Variants in WWOX observed in about 807,000 individuals in gnomAD.
WWOX encodes the protein WW domain-containing oxidoreductase.
Under a neutral mutation model 46.2 loss-of-function variants are expected in WWOX, and 69 were observed. That is an observed-to-expected ratio of 1.49 (90% CI 1.23 to 1.82). The LOEUF is 1.82. Among genes scored for constraint, WWOX ranks in the 40% most tolerant of loss-of-function variants. The probability of loss-of-function intolerance (pLI) is 0.00; values close to 1 mark genes in which losing one functional copy is unlikely to be tolerated. For missense variants in WWOX, 919 were observed against 542.6 expected, an observed-to-expected ratio of 1.69 and a Z score of -6.89; for synonymous variants, 359 against 202.6, an observed-to-expected ratio of 1.77 and a Z score of -6.56.
At chr16:78,537,001 G>T (rs1397331592) in intron 8 of WWOX, among the ~76,000 whole-genome samples, 1 of 149,182 alleles carries the variant, frequency 6.7e-6, no homozygotes, top group Non-Finnish European at 1.5e-5. Flanking sequence ...ACTGCAACGT[G>T]CACCTCTCAG....
chr16:78,991,634 C>T (rs1031452549), intron 8 of WWOX, among the ~76,000 whole-genome samples: 5 of 150,392 alleles, frequency 3.3e-5, no homozygotes, highest in African/African-American at 9.8e-5. Flanking sequence ...CTCCACCTAC[C>T]AGTGGTGGGG....
At chr16:78,954,894 A>G (rs1180316604) in intron 8 of WWOX, among the ~76,000 whole-genome samples, 3 of 152,166 alleles carry the variant, frequency 2.0e-5, no homozygotes, top group East Asian at 3.9e-4. Flanking sequence ...GACTCAAGAG[A>G]TCCTCCTGCC....
chr16:78,676,171 TCTCTATAG>T (rs1210632669), intron 8 of WWOX, among the ~76,000 whole-genome samples: 1 of 151,766 alleles, frequency 6.6e-6, no homozygotes, highest in Non-Finnish European at 1.5e-5. Flanking sequence ...CGCCGTGTCT[TCTCTATAG>T]CTTGCTGTCT....
At chr16:78,558,139 C>T (rs907660291) in intron 8 of WWOX, among the ~76,000 whole-genome samples, 16 of 152,118 alleles carry the variant, frequency 1.1e-4, no homozygotes, top group African/African-American at 3.9e-4. Context: ...GCTTTCACTC[C>T]TGGGCAGCAG....
chr16:79,028,091 C>T (rs1373626266), intron 8 of WWOX, among the ~76,000 whole-genome samples: 3 of 151,868 alleles, frequency 2.0e-5, no homozygotes, highest in African/African-American at 7.3e-5. Context: ...GCTGAGACTA[C>T]AGGCACCTGC....
intron 5 of WWOX, among the ~76,000 whole-genome samples, chr16:78,333,353 TTC>T (rs1048974742): frequency 1.1e-4 from 16 of 152,094 alleles, no homozygotes; most frequent in Admixed American, 2.6e-4. Flanking sequence ...CTGGTCAATT[TTC>T]TATGGTGTGT....
intron 8 of WWOX, among the ~76,000 whole-genome samples, chr16:78,482,512 C>G (rs1456959987): frequency 6.6e-6 from 1 of 152,168 alleles, no homozygotes; most frequent in African/African-American, 2.4e-5. Context: ...CGTGAGCTGC[C>G]TTGCCTAGCC....
At chr16:79,116,866 G>T (rs1406536463) in intron 8 of WWOX, among the ~76,000 whole-genome samples, 1 of 151,874 alleles carries the variant, frequency 6.6e-6, no homozygotes, top group Non-Finnish European at 1.5e-5. Context: ...AGTATCTGTG[G>T]CACCTGTAGG....
chr16:78,805,403 G>T (rs1400396574), intron 8 of WWOX, among the ~76,000 whole-genome samples: 1 of 151,366 alleles, frequency 6.6e-6, no homozygotes, highest in Non-Finnish European at 1.5e-5. Flanking sequence ...TGGGACTACA[G>T]GCACCCGCCA....
intron 8 of WWOX, among the ~76,000 whole-genome samples, chr16:78,626,927 G>T (rs141037160): frequency 8.5e-5 from 13 of 152,186 alleles, no homozygotes; most frequent in Admixed American, 1.3e-4. Context: ...TTCAAAAGTT[G>T]CTGCTGTTGG....
intron 5 of WWOX, among the ~76,000 whole-genome samples, chr16:78,280,659 G>T (rs2079660430): frequency 6.6e-6 from 1 of 151,948 alleles, no homozygotes; most frequent in Admixed American, 6.6e-5. Context: ...ACAGAGCGTG[G>T]GGTGGGGGTG....
intron 8 of WWOX, among the ~76,000 whole-genome samples, chr16:78,752,706 C>G (rs561733576): frequency 3.3e-5 from 5 of 152,180 alleles, no homozygotes; most frequent in Admixed American, 1.3e-4. Context: ...ATTTATGGAG[C>G]CCTGCTTTGT....
chr16:79,003,215 T>G (rs750846030), intron 8 of WWOX, among the ~76,000 whole-genome samples: 19 of 152,220 alleles, frequency 1.2e-4, no homozygotes, highest in Non-Finnish European at 2.6e-4. Flanking sequence ...CAGACATGGA[T>G]AAGCTGCTTG....
chr16:78,164,394 C>T, intron 5 of WWOX, 105 bp downstream of exon 5: 1 of 1,001,376 alleles, frequency 1.0e-6, no homozygotes, highest in Non-Finnish European at 1.5e-6. Flanking sequence ...CTCTTGGAAT[C>T]ATGTCTTTAT....
At chr16:79,020,430 C>G (rs996819627) in intron 8 of WWOX, among the ~76,000 whole-genome samples, 10 of 152,106 alleles carry the variant, frequency 6.6e-5, no homozygotes, top group Admixed American at 6.5e-4. Flanking sequence ...CTCTTTGTGG[C>G]TCAGTTTCTT....
At chr16:79,006,788 C>G (rs1445842074) in intron 8 of WWOX, among the ~76,000 whole-genome samples, 1 of 152,092 alleles carries the variant, frequency 6.6e-6, no homozygotes, top group Non-Finnish European at 1.5e-5. Context: ...GGTCCCTTTC[C>G]TCCATCTTCA....
At chr16:78,398,720 G>A (rs917391410) in intron 6 of WWOX, among the ~76,000 whole-genome samples, 4 of 152,154 alleles carry the variant, frequency 2.6e-5, no homozygotes, top group Non-Finnish European at 5.9e-5. Flanking sequence ...AGATGGTGAC[G>A]CTGGCAAATT....
chr16:78,244,263 C>T (rs964866855), intron 5 of WWOX, among the ~76,000 whole-genome samples: 1 of 152,180 alleles, frequency 6.6e-6, no homozygotes, highest in Non-Finnish European at 1.5e-5. Flanking sequence ...AAGTGCTCAG[C>T]TTTGTGTCTG....
intron 8 of WWOX, among the ~76,000 whole-genome samples, chr16:78,789,774 T>C (rs1158902470): frequency 2.0e-5 from 3 of 152,186 alleles, no homozygotes; most frequent in Non-Finnish European, 4.4e-5. Flanking sequence ...CACCATGACA[T>C]ACAACTTGCA....
Sources: allele counts gnomAD v4.1 joint callset (sites outside exome capture counted in the v4.1 genomes callset), GRCh38; gene constraint gnomAD v4.1.1; transcripts MANE v1.5; gene names NCBI Gene and HGNC (gene_info 2026-07-23, HGNC 2026-07-21).